The following DUSP5 variants were observed in gnomAD, a reference collection of about 807,000 sequenced individuals.
The protein encoded by DUSP5 is dual specificity protein phosphatase 5.
DUSP5 carries 22 observed loss-of-function variants against 33.6 expected under a neutral mutation model. That is an observed-to-expected ratio of 0.66 (90% confidence interval 0.47 to 0.94). The LOEUF (loss-of-function observed/expected upper bound fraction) is 0.94, where lower values mean the gene tolerates loss of function less well. DUSP5 is among the 40% of genes least tolerant of loss of function. The pLI is 0.00. For missense variants in DUSP5, 551 were observed against 522.1 expected (o/e 1.06, Z -0.54); for synonymous variants, 270 against 231.1 (o/e 1.17, Z -1.53).
In DUSP5 at chr10:110,498,048, T is replaced by C. The variant is rs955875078; in HGVS notation, c.-74T>C. ...TCCCGTGCCTCGCCCGCGGACACCC[T>C]GGCCGTGGACACCCTGGCCGTGGGC... On this transcript the variant is annotated 5_prime_UTR_variant, in exon 1 of 4. Coordinates refer to ENST00000369583, the MANE Select transcript of DUSP5 (RefSeq NM_004419.4). 9.3e-7 allele frequency: 1 copy of C among 1,070,274 alleles called. No homozygotes were observed. The highest frequency in any genetic ancestry group is 1.1e-6 in the Non-Finnish European group (1 of 890,020). 66.3% of individuals were successfully genotyped at this position (1,070,274 alleles called of 1,614,324 possible).
At chr10:110,508,222 GCCT>G (rs1252928161) in intron 3 of DUSP5, among the ~76,000 whole-genome samples, 4 of 152,138 alleles carry the variant, frequency 2.6e-5, no homozygotes, top group African/African-American at 9.7e-5. Flanking sequence ...TGTCCCCTGA[GCCT>G]CTGGGCTGAA....
chr10:110,509,777 C>T (rs1860163428), intron 3 of DUSP5, among the ~76,000 whole-genome samples: 1 of 152,202 alleles, frequency 6.6e-6, no homozygotes, highest in Non-Finnish European at 1.5e-5. Flanking sequence ...GCTTATGTCT[C>T]TTGTGACAAT....
In DUSP5 at chr10:110,510,414, CA is replaced by C; in HGVS notation, c.1144del (p.Thr382HisfsTer18). On this transcript the variant is annotated frameshift_variant, in exon 4 of 4. Transcript: ENST00000369583. LOFTEE classifies it high-confidence loss of function. ...TCAGCAGAAGCCCTGTGGCAACGGCCACATCCTGCTAAAACTGGGATGGAGG... is the reference window on the plus strand; with the variant it reads ...TCAGCAGAAGCCCTGTGGCAACGGCCCATCCTGCTAAAACTGGGATGGAGG... ...ELSRSPVATA[T>X]SC The C allele has an allele frequency of 6.3e-7, 1 of 1,589,402 alleles. No homozygotes were observed. Among genetic ancestry groups the C allele is most frequent in the Middle Eastern group, 1.7e-4 (1 of 6,000 alleles).
In DUSP5 at chr10:110,506,997, C is replaced by T. The variant is rs767008151; in HGVS notation, c.591C>T (p.Cys197=). 6.8e-6 allele frequency: 11 copies of T among 1,614,286 alleles called. No individual in the cohort carries two copies. The highest frequency in any genetic ancestry group is 2.2e-5 in the South Asian group (2 of 91,090). The change falls in exon 3 of 4, where the codon TGC becomes TGT. Residue 197 remains cysteine (C), a synonymous_variant. Coordinates refer to ENST00000369583, the MANE Select transcript of DUSP5 (RefSeq NM_004419.4). ...GAAGTGCCTACCATGCATCCAAGTG[C>T]GAGTTCCTCGCCAACCTGCACATCA... ...YLGSAYHASK[C]EFLANLHITA... is the part of the protein sequence containing the mutation.
chr10:110,498,626 G>A, intron 1 of DUSP5, 126 bp downstream of exon 1: 6 of 1,270,926 alleles, frequency 4.7e-6, no homozygotes, highest in South Asian at 2.4e-5. Context: ...GCACCCTGTG[G>A]CTTGTTGTGC....
chr10:110,501,235 C>T (rs546288646), intron 1 of DUSP5, among the ~76,000 whole-genome samples: 1 of 152,324 alleles, frequency 6.6e-6, no homozygotes, highest in East Asian at 1.9e-4. Context: ...GGCCCAGGGG[C>T]TATGGCAGAG....
At position 110,506,936 on chromosome 10, in the gene DUSP5, G is replaced by A. The variant is rs747224894; in HGVS notation, c.530G>A (p.Gly177Asp). Residue 177 changes from glycine to aspartate, a missense_variant and splice_region_variant, in exon 3 of 4, where the codon GGT becomes GAT. Physicochemically the swap from Gly to Asp is moderately conservative, Grantham distance 94 (BLOSUM62 -1). Coordinates refer to ENST00000369583, the MANE Select transcript of DUSP5 (RefSeq NM_004419.4). Reference protein sequence around the residue: ...NVSYRPAYDQGGPVEILPFLY... With the variant: ...NVSYRPAYDQDGPVEILPFLY... ...ATTGTCCTTTGTCCCTGCATCCAGG[G>A]TGGCCCAGTTGAAATCCTTCCCTTC... is the stretch of plus-strand genomic sequence containing the variant. 1 of 1,614,202 alleles carries A rather than the reference G, an allele frequency of 6.2e-7. No homozygotes were observed. The highest frequency in any genetic ancestry group is 8.5e-7 in the Non-Finnish European group (1 of 1,180,000).
Position 110,505,178 on chromosome 10 carries a change from T to C in DUSP5, c.529-1757T>C, listed in dbSNP as rs960554094. Among the ~76,000 whole-genome samples, 7 of 152,224 alleles carry C rather than the reference T, an allele frequency of 4.6e-5. No individual in the cohort carries two copies. The East Asian group carries it at 1.2e-3, about 25-fold the overall frequency. On this transcript the variant is annotated intron_variant, in intron 2 of 3. Coordinates refer to ENST00000369583, the MANE Select transcript of DUSP5 (RefSeq NM_004419.4). ...CTTACTTTCTCATATTGATCACTAT[T>C]GAAATGGAGTCAGACAAGGCCTTGC...
intron 3 of DUSP5, among the ~76,000 whole-genome samples, chr10:110,509,795 G>A (rs1232658290): frequency 2.0e-5 from 3 of 152,156 alleles, no homozygotes; most frequent in Non-Finnish European, 4.4e-5. Context: ...AATAGCTGCT[G>A]TAAACTGTAA....
At position 110,507,698 on chromosome 10, in the gene DUSP5, T is replaced by C. The variant is rs570658455; in HGVS notation, c.748+544T>C. On this transcript the variant is annotated intron_variant, in intron 3 of 3. Coordinates refer to ENST00000369583, the MANE Select transcript of DUSP5 (RefSeq NM_004419.4). ...GCTCCATGCTGTATGCACAGAAAAGTTGGCATCTTTTGCCTGCTTTCTGCA... is the reference window on the plus strand; with the variant it reads ...GCTCCATGCTGTATGCACAGAAAAGCTGGCATCTTTTGCCTGCTTTCTGCA... Among the ~76,000 whole-genome samples, 4 of 152,386 alleles carry C rather than the reference T, an allele frequency of 2.6e-5. No homozygotes were observed. The East Asian group carries it at 7.7e-4, about 29-fold the overall frequency.
intron 3 of DUSP5, among the ~76,000 whole-genome samples, chr10:110,508,441 G>T (rs768904748): frequency 6.6e-6 from 1 of 152,156 alleles, no homozygotes; most frequent in Non-Finnish European, 1.5e-5. Context: ...TTGTGTCTGT[G>T]TACGCACAAT....
chr10:110,498,544 C>A, intron 1 of DUSP5, 44 bp downstream of exon 1: 1 of 1,399,110 alleles, frequency 7.1e-7, no homozygotes, highest in South Asian at 1.5e-5. Context: ...TCCGGCGCCC[C>A]CGGGTCCCCT....
intron 1 of DUSP5, among the ~76,000 whole-genome samples, chr10:110,499,060 C>T (rs909219742): frequency 3.3e-5 from 5 of 152,146 alleles, no homozygotes; most frequent in African/African-American, 1.2e-4. Flanking sequence ...CTTCTCCCCT[C>T]CTAGGTCTTT....
chr10:110,500,421 C>T (rs1860030140), intron 1 of DUSP5, among the ~76,000 whole-genome samples: 1 of 152,220 alleles, frequency 6.6e-6, no homozygotes, highest in Non-Finnish European at 1.5e-5. Context: ...GTAGAAATTG[C>T]TTCATGCCTA....
At chr10:110,501,739 C>G (rs1437566577) in intron 1 of DUSP5, among the ~76,000 whole-genome samples, 1 of 152,192 alleles carries the variant, frequency 6.6e-6, no homozygotes. Context: ...GTTTCCCAAG[C>G]AAGGCTGGCC....
chr10:110,498,786 C>T (rs1490310228), intron 1 of DUSP5, among the ~76,000 whole-genome samples: 2 of 152,024 alleles, frequency 1.3e-5, no homozygotes, highest in Admixed American at 6.5e-5. Context: ...GTTTGGGGGC[C>T]GTCGGCTCGT....
At chr10:110,508,159 A>G (rs1419580023) in intron 3 of DUSP5, among the ~76,000 whole-genome samples, 2 of 152,076 alleles carry the variant, frequency 1.3e-5, no homozygotes, top group African/African-American at 2.4e-5. Flanking sequence ...TCTGCTCCCC[A>G]GGAAACCCTG....
chr10:110,502,624 T>C (rs1031681239), intron 1 of DUSP5, 97 bp from the exon 2 acceptor site: 1 of 1,415,268 alleles, frequency 7.1e-7, no homozygotes, highest in African/African-American at 1.4e-5. Context: ...TTTTCTTAAC[T>C]GTGTAACACT....
At position 110,502,857 on chromosome 10, in the gene DUSP5, A is replaced by G. The variant is rs773586147; in HGVS notation, c.516A>G (p.Pro172=). 25 of 1,614,082 alleles carry G rather than the reference A, an allele frequency of 1.5e-5. No individual in the cohort carries two copies. In the Admixed American group the frequency reaches 2.0e-4, roughly 13 times the overall value. Residue 172 remains proline, a synonymous_variant, in exon 2 of 4, where the codon CCA becomes CCG. Transcript: ENST00000369583. ...GKPVVNVSYR[P]AYDQGGPVEI... ...CAGTGGTAAATGTCAGCTACAGGCC[A>G]GCTTATGACCAGGTACGTGATGTGA...
Sources: allele counts gnomAD v4.1 joint callset (sites outside exome capture counted in the v4.1 genomes callset), GRCh38; gene constraint gnomAD v4.1.1; transcripts MANE v1.5; gene names NCBI Gene and HGNC (gene_info 2026-07-23, HGNC 2026-07-21).